Variants in SLC26A8 observed in about 807,000 individuals in gnomAD.
SLC26A8 encodes the protein solute carrier family 26 member 8.
A neutral mutation model predicts 105.0 loss-of-function variants in SLC26A8; 70 were observed. The ratio of observed to expected loss-of-function variants is 0.67; its 90% CI spans 0.55 to 0.81. SLC26A8 has a LOEUF of 0.81. Ranked by LOEUF, SLC26A8 falls within the 40% of genes least tolerant of loss-of-function variation. The pLI is 0.00. For missense variants in SLC26A8, 998 were observed against 1,181.8 expected, an observed-to-expected ratio of 0.84 and a Z score of 2.28; for synonymous variants, 415 against 438.3, an observed-to-expected ratio of 0.95 and a Z score of 0.66.
intron 12 of SLC26A8, among the ~76,000 whole-genome samples, chr6:35,961,455 A>G (rs571839035): frequency 3.5e-4 from 54 of 152,382 alleles, no homozygotes; most frequent in African/African-American, 1.1e-3. Context: ...TTTAAGATGT[A>G]TAAGAGTTGT....
chr6:35,972,602 G>A (rs952575659), intron 10 of SLC26A8, among the ~76,000 whole-genome samples: 4 of 152,194 alleles, frequency 2.6e-5, no homozygotes, highest in African/African-American at 9.7e-5. Context: ...GGCATGTCAA[G>A]GCCTCAGGGA....
intron 7 of SLC26A8, 76 bp from the exon 8 acceptor site, chr6:35,982,279 T>C (rs763100198): frequency 1.4e-6 from 2 of 1,416,556 alleles, no homozygotes; most frequent in Non-Finnish European, 2.0e-6. Flanking sequence ...GAAGCAGAGT[T>C]GCCCATTGCC....
At chr6:35,993,192 G>A (rs1360152510) in intron 5 of SLC26A8, among the ~76,000 whole-genome samples, 1 of 125,496 alleles carries the variant, frequency 8.0e-6, no homozygotes, top group Non-Finnish European at 1.7e-5. Flanking sequence ...AGATTGGAGG[G>A]GGGGGTCTTG....
chr6:35,985,454 G>A lies in SLC26A8; in HGVS notation c.943-3251C>T, dbSNP rs1365929141. ...TCATGCCTGTAATCCCAGCACTTTGGGAGGCCAAGGTGGGCAGATCACGAA... is the reference window on the plus strand; with the variant it reads ...TCATGCCTGTAATCCCAGCACTTTGAGAGGCCAAGGTGGGCAGATCACGAA... On this transcript the variant is annotated intron_variant, in intron 7 of 19. Coordinates refer to ENST00000490799, the MANE Select transcript of SLC26A8 (RefSeq NM_052961.4). Among the ~76,000 whole-genome samples, 33 of 152,102 alleles carry A rather than the reference G, an allele frequency of 2.2e-4. No individual in the cohort carries two copies. In the East Asian group the frequency reaches 5.8e-3, roughly 27 times the overall value.
intron 19 of SLC26A8, 47 bp downstream of exon 19, chr6:35,951,116 G>GC: frequency 7.2e-7 from 1 of 1,387,566 alleles, no homozygotes. Context: ...TCCCCCCACT[G>GC]CCCTCAATCC....
intron 3 of SLC26A8, among the ~76,000 whole-genome samples, chr6:36,003,692 C>T (rs1274487794): frequency 6.8e-6 from 1 of 146,750 alleles, no homozygotes; most frequent in African/African-American, 2.5e-5. Context: ...GACAGAGTCT[C>T]ACTCTGTTGC....
Position 36,014,073 on chromosome 6 carries a change from C to T in SLC26A8, c.189-1701G>A, listed in dbSNP as rs193037188. Among the ~76,000 whole-genome samples the T allele has an allele frequency of 2.2e-3, 329 of 152,342 alleles. 4 individuals carry two copies. Among genetic ancestry groups the T allele is most frequent in the African/African-American group, 7.6e-3 (316 of 41,580 alleles). On this transcript the variant is annotated intron_variant, in intron 2 of 19. Transcript: ENST00000490799. ...AGTAAGACCATTGGTTTGGAAGGAACATCACATTGCTGTTCTTAGGAGAGT... is the reference window on the plus strand; with the variant it reads ...AGTAAGACCATTGGTTTGGAAGGAATATCACATTGCTGTTCTTAGGAGAGT...
intron 7 of SLC26A8, among the ~76,000 whole-genome samples, chr6:35,991,213 C>T (rs1761141102): frequency 6.7e-6 from 1 of 150,284 alleles, no homozygotes; most frequent in African/African-American, 2.4e-5. Flanking sequence ...CCGGCCTGGC[C>T]AACATGGTGA....
intron 11 of SLC26A8, among the ~76,000 whole-genome samples, chr6:35,964,183 C>T (rs951215881): frequency 1.3e-5 from 2 of 151,906 alleles, no homozygotes; most frequent in Admixed American, 1.3e-4. Context: ...CACTCCAGCC[C>T]AGTGAAAGAG....
chr6:35,992,243 G>A (rs1266497218), intron 6 of SLC26A8, among the ~76,000 whole-genome samples: 1 of 152,150 alleles, frequency 6.6e-6, no homozygotes, highest in Non-Finnish European at 1.5e-5. Flanking sequence ...ATATCTTAAA[G>A]GCCAAATTTT....
At chr6:35,959,429 A>G in intron 16 of SLC26A8, 31 bp downstream of exon 16, 1 of 1,576,476 alleles carries the variant, frequency 6.3e-7, no homozygotes, top group Non-Finnish European at 8.6e-7. Flanking sequence ...AAATATGGAG[A>G]AAAACATAGG....
chr6:35,962,257 C>T (rs955638833), intron 12 of SLC26A8, among the ~76,000 whole-genome samples: 5 of 151,780 alleles, frequency 3.3e-5, no homozygotes, highest in Non-Finnish European at 7.4e-5. Flanking sequence ...TCCAAATATG[C>T]GATGAATGAC....
intron 3 of SLC26A8, among the ~76,000 whole-genome samples, chr6:36,009,353 A>AAACAACAACAAC (rs145874408): frequency 5.4e-5 from 8 of 149,294 alleles, no homozygotes; most frequent in African/African-American, 2.0e-4. Context: ...TGCCTCTCAA[A>AAACAACAACAAC]AACAACAACA....
At chr6:35,990,585 C>T (rs1363290768) in intron 7 of SLC26A8, 1 of 152,424 alleles carries the variant, frequency 6.6e-6, no homozygotes, top group Non-Finnish European at 1.5e-5. Flanking sequence ...TGTTCAAGTC[C>T]AGGGATGAGC....
At chr6:36,021,489 G>A (rs754551201) in intron 1 of SLC26A8, among the ~76,000 whole-genome samples, 7 of 152,074 alleles carry the variant, frequency 4.6e-5, no homozygotes, top group African/African-American at 9.7e-5. Flanking sequence ...GGGTCACATC[G>A]AGAGTCTAGA....
At chr6:35,996,392 CAG>C (rs1761351344) in intron 5 of SLC26A8, among the ~76,000 whole-genome samples, 1 of 152,166 alleles carries the variant, frequency 6.6e-6, no homozygotes, top group Non-Finnish European at 1.5e-5. Flanking sequence ...AAATTAAAGA[CAG>C]AGCCAAAATA....
At chr6:35,944,424 A>C (rs1771595094) in intron 19 of SLC26A8, 84 bp from the exon 20 acceptor site, 1 of 921,090 alleles carries the variant, frequency 1.1e-6, no homozygotes, top group South Asian at 1.6e-5. Context: ...TAATCCCAGC[A>C]CTTTGAGAGG....
intron 8 of SLC26A8, among the ~76,000 whole-genome samples, chr6:35,979,296 T>C (rs1415189318): frequency 1.3e-5 from 2 of 151,902 alleles, no homozygotes; most frequent in African/African-American, 4.8e-5. Flanking sequence ...GCTAACACGG[T>C]GAAACCCCAT....
chr6:36,001,237 T>C (rs371566522), intron 3 of SLC26A8, among the ~76,000 whole-genome samples: 1 of 152,114 alleles, frequency 6.6e-6, no homozygotes, highest in South Asian at 2.1e-4. Flanking sequence ...CATGCCATTC[T>C]CCTGCCTCAG....
Sources: allele counts gnomAD v4.1 joint callset (sites outside exome capture counted in the v4.1 genomes callset), GRCh38; gene constraint gnomAD v4.1.1; transcripts MANE v1.5; gene names NCBI Gene and HGNC (gene_info 2026-07-23, HGNC 2026-07-21).